Variants in AMBN observed in about 807,000 individuals in gnomAD.
AMBN encodes ameloblastin.
AMBN carries 54 observed loss-of-function variants against 48.0 expected under a neutral mutation model. That is an observed-to-expected ratio of 1.12 (90% confidence interval 0.90 to 1.41). AMBN has a LOEUF of 1.41. Ranked by LOEUF, AMBN falls within the 40% of genes most tolerant of loss-of-function variation. The pLI, the probability that AMBN is intolerant of heterozygous loss-of-function variation, is 0.00. For synonymous variants in AMBN, 186 were observed against 190.0 expected, an observed-to-expected ratio of 0.98 and a Z score of 0.17; for missense variants, 571 against 547.3, an observed-to-expected ratio of 1.04 and a Z score of -0.43.
Position 70,606,887 on chromosome 4 carries a change from GGTC to G in AMBN, c.*158_*160del. Reference sequence around the variant, plus strand: ...AATGCAAGTGGCTAGAAATAGTGTAGGTCCCCTTCTTGCTTTCAATATCTTGTT... The same window carrying G: ...AATGCAAGTGGCTAGAAATAGTGTAGCCCTTCTTGCTTTCAATATCTTGTT... On this transcript the variant is annotated 3_prime_UTR_variant, in exon 13 of 13. Coordinates refer to ENST00000322937, the MANE Select transcript of AMBN (RefSeq NM_016519.6). The G allele has an allele frequency of 6.5e-6, 5 of 773,384 alleles. 1 individual carries two copies. The South Asian group carries it at 1.2e-4, about 18-fold the overall frequency. 47.9% of individuals were successfully genotyped at this position (773,384 alleles called of 1,614,324 possible).
Position 70,602,994 on chromosome 4 carries a change from A to C in AMBN, c.632A>C (p.Asp211Ala). The part of the protein sequence containing the change: ...GPSLPGLDFA[D>A]PQGSTIFQIA... ...TAGCTCCCAGGATTGGATTTTGCTG[A>C]TCCACAAGGTTCAACAGTAAGTACA... Residue 211 changes from aspartate to alanine, a missense_variant, in exon 9 of 13, where the codon GAT (aspartate) becomes GCT (alanine). Asp to Ala is a moderately radical substitution (Grantham distance 126). Coordinates refer to ENST00000322937, the MANE Select transcript of AMBN (RefSeq NM_016519.6). 1 of 1,606,394 alleles carries C rather than the reference A, an allele frequency of 6.2e-7. No homozygotes were observed. The highest frequency in any genetic ancestry group is 1.1e-5 in the South Asian group (1 of 88,454).
chr4:70,603,918 G>A lies in AMBN; in HGVS notation c.795G>A (p.Val265=), dbSNP rs1312022335. The change falls in exon 12 of 13, where the codon GTG becomes GTA. Residue 265 remains valine, a synonymous_variant. Transcript: ENST00000322937. Reference sequence around the variant, plus strand: ...TTGGCATCATGAGTTCAGAAGAAGTGGCAGTGAGTAATGTCTTCTAACTCT... The same window carrying A: ...TTGGCATCATGAGTTCAGAAGAAGTAGCAGTGAGTAATGTCTTCTAACTCT... ...ARLGIMSSEE[V]AGGREDPMAY... 1.2e-6 allele frequency: 2 copies of A among 1,613,812 alleles called. No homozygotes were observed. The highest frequency in any genetic ancestry group is 1.3e-5 in the African/African-American group (1 of 74,914).
chr4:70,603,655 C>T lies in AMBN; in HGVS notation c.753+195C>T, dbSNP rs549285638. 6.6e-4 allele frequency among the ~76,000 whole-genome samples: 101 copies of T among 151,986 alleles called. No individual in the cohort carries two copies. The South Asian group carries it at 7.3e-3, about 11-fold the overall frequency. ...AGACACACACACACACACACGCACA[C>T]GCACACACACGCACACAAGGGTATT... On this transcript the variant is annotated intron_variant, in intron 11 of 12. Transcript: ENST00000322937.
chr4:70,603,784 G>A (rs771217998), intron 11 of AMBN, 93 bp from the exon 12 acceptor site: 382 of 1,370,776 alleles, frequency 2.8e-4, no homozygotes, highest in Non-Finnish European at 3.8e-4. Flanking sequence ...TAATATTAAG[G>A]TTTAAGTGAA....
At chr4:70,601,060 G>T (rs1351251246) in intron 5 of AMBN, among the ~76,000 whole-genome samples, 1 of 152,178 alleles carries the variant, frequency 6.6e-6, no homozygotes, top group Admixed American at 6.5e-5. Context: ...TTGACTGGGG[G>T]ACAAAGATTT....
intron 12 of AMBN, among the ~76,000 whole-genome samples, chr4:70,605,760 GA>G (rs199534434): frequency 1.2e-3 from 184 of 150,660 alleles, no homozygotes; most frequent in African/African-American, 3.7e-3. Flanking sequence ...ACCCCTAAAA[GA>G]AAAAAAAAGT....
intron 3 of AMBN, 41 bp from the exon 4 acceptor site, chr4:70,598,315 G>C: frequency 6.9e-7 from 1 of 1,458,322 alleles, no homozygotes. Context: ...GTCAAACACA[G>C]CATATGCGAT....
intron 6 of AMBN, 24 bp downstream of exon 6, chr4:70,601,678 G>T (rs201190468): frequency 6.2e-7 from 1 of 1,604,692 alleles, no homozygotes; most frequent in Non-Finnish European, 8.5e-7. Context: ...CTTGAAGTCA[G>T]ATCAGAATCA....
chr4:70,605,724 A>G (rs1737624308), intron 12 of AMBN, among the ~76,000 whole-genome samples: 1 of 152,112 alleles, frequency 6.6e-6, no homozygotes, highest in South Asian at 2.1e-4. Flanking sequence ...GGAGTTCTAG[A>G]CCAGCAGCCT....
At chr4:70,597,192 T>G in intron 3 of AMBN, 143 bp downstream of exon 3, 2 of 618,502 alleles carry the variant, frequency 3.2e-6, no homozygotes, top group Non-Finnish European at 5.5e-6. Flanking sequence ...AGTTATGACA[T>G]TTACTAGAGC....
At position 70,598,695 on chromosome 4, in the gene AMBN, G is replaced by T. The variant is rs528488360; in HGVS notation, c.183+292G>T. On this transcript the variant is annotated intron_variant, in intron 4 of 12. Coordinates refer to ENST00000322937, the MANE Select transcript of AMBN (RefSeq NM_016519.6). ...ATCTCAAACAATTTATGCAAATATT[G>T]CAGACTAGCTCAAAACGAAATTTAA... Among the ~76,000 whole-genome samples the T allele has an allele frequency of 5.9e-5, 9 of 152,146 alleles. No homozygotes were observed. In the South Asian group the frequency reaches 1.9e-3, roughly 32 times the overall value.
At position 70,603,253 on chromosome 4, in the gene AMBN, T is replaced by C; in HGVS notation, c.649-7T>C. ...GAATTACTTATTCTGTTTTCTACCATTTAAAGATTTTCCAAATAGCCCGTT... is the reference window on the plus strand; with the variant it reads ...GAATTACTTATTCTGTTTTCTACCACTTAAAGATTTTCCAAATAGCCCGTT... On this transcript the variant is annotated splice_polypyrimidine_tract_variant and splice_region_variant and intron_variant, in intron 9 of 12. Coordinates refer to ENST00000322937, the MANE Select transcript of AMBN (RefSeq NM_016519.6). The C allele has an allele frequency of 6.2e-7, 1 of 1,612,560 alleles. No homozygotes were observed. Among genetic ancestry groups the C allele is most frequent in the Non-Finnish European group, 8.5e-7 (1 of 1,178,854 alleles).
Position 70,600,308 on chromosome 4 carries a change from C to A in AMBN, c.294+662C>A, listed in dbSNP as rs1161438814. On this transcript the variant is annotated intron_variant, in intron 5 of 12. Coordinates refer to ENST00000322937, the MANE Select transcript of AMBN (RefSeq NM_016519.6). Reference sequence around the variant, plus strand: ...TGGGCAATAGAGTGAGACTCTGTCTCAAAAAAAATTAAGAAATTTAAAAAA... The same window carrying A: ...TGGGCAATAGAGTGAGACTCTGTCTAAAAAAAAATTAAGAAATTTAAAAAA... Among the ~76,000 whole-genome samples, 3 of 148,004 alleles carry A rather than the reference C, an allele frequency of 2.0e-5. No individual in the cohort carries two copies. The Admixed American group carries it at 2.0e-4, about 10-fold the overall frequency.
At position 70,604,764 on chromosome 4, in the gene AMBN, G is replaced by A. The variant is rs192077837; in HGVS notation, c.798+843G>A. On this transcript the variant is annotated intron_variant, in intron 12 of 12. Transcript: ENST00000322937. ...TCCCAGCACTTTGGGAGGCTGAAGC[G>A]GATGGATCACCCGAGATCAGGAGTT... 1.8e-3 allele frequency among the ~76,000 whole-genome samples: 279 copies of A among 152,242 alleles called. 1 individual carries two copies. Among genetic ancestry groups the A allele is most frequent in the African/African-American group, 6.4e-3 (266 of 41,562 alleles).
chr4:70,604,572 A>ACAGAT (rs1737597690), intron 12 of AMBN, among the ~76,000 whole-genome samples: 1 of 152,250 alleles, frequency 6.6e-6, no homozygotes, highest in Admixed American at 6.5e-5. Flanking sequence ...ACTGTCAACT[A>ACAGAT]CAGATCCTGT....
In AMBN at chr4:70,606,588, A is replaced by T. The variant is rs1490270266; in HGVS notation, c.1202A>T (p.Asp401Val). The change falls in exon 13 of 13, where the codon GAC (aspartate) becomes GTC (valine). Residue 401 changes from aspartate (D) to valine (V), a missense_variant. By Grantham distance (152) the Asp-to-Val change is radical. Transcript: ENST00000322937. ...LADVYRTYDA[D>V]MTTSVDFQEE... The stretch of plus-strand genomic sequence containing the variant: ...GATGTTTATAGGACCTACGATGCTG[A>T]CATGACCACATCCGTGGATTTCCAG... 1.9e-6 allele frequency: 3 copies of T among 1,614,044 alleles called. No individual in the cohort carries two copies. Among genetic ancestry groups the T allele is most frequent in the Non-Finnish European group, 2.5e-6 (3 of 1,180,026 alleles).
intron 10 of AMBN, 32 bp from the exon 11 acceptor site, chr4:70,603,384 G>A: frequency 1.9e-6 from 3 of 1,613,136 alleles, no homozygotes; most frequent in Non-Finnish European, 2.5e-6. Flanking sequence ...ATTGGAAAAT[G>A]CATTTTGTGA....
rs752225523 is a variant in AMBN at position 70,602,610 on chromosome 4, T to C, written c.532-14T>C. The C allele has an allele frequency of 1.3e-6, 2 of 1,534,696 alleles. No individual in the cohort carries two copies. The highest frequency in any genetic ancestry group is 4.1e-5 in the Admixed American group (2 of 49,258). On this transcript the variant is annotated splice_polypyrimidine_tract_variant and intron_variant, in intron 6 of 12. Coordinates refer to ENST00000322937, the MANE Select transcript of AMBN (RefSeq NM_016519.6). Reference sequence around the variant, plus strand: ...TTTTTTGACTGATAATTTTAATATTTATCTGTGATATAGCTCCCAGGAGTA... The same window carrying C: ...TTTTTTGACTGATAATTTTAATATTCATCTGTGATATAGCTCCCAGGAGTA...
intron 12 of AMBN, among the ~76,000 whole-genome samples, chr4:70,604,442 T>G (rs551524128): frequency 1.3e-5 from 2 of 152,306 alleles, no homozygotes; most frequent in South Asian, 2.1e-4. Flanking sequence ...CCATGCAAGT[T>G]TAAGATTTGA....
Sources: gnomAD v4.1 joint callset for allele counts (sites outside exome capture counted in the v4.1 genomes callset) on GRCh38, gnomAD v4.1.1 for gene constraint, MANE v1.5 for transcripts, NCBI Gene and HGNC (gene_info 2026-07-23, HGNC 2026-07-21) for gene names.